Variants in PSEN1 observed in about 807,000 individuals in gnomAD.
The protein encoded by PSEN1 is presenilin 1, also known as presenilin-1.
In PSEN1, 15 loss-of-function variants were observed where a neutral mutation model predicts 53.5. That is an observed-to-expected ratio of 0.28 (90% CI 0.19 to 0.43). The LOEUF (loss-of-function observed/expected upper bound fraction) is 0.43, where lower values mean the gene tolerates loss of function less well. PSEN1 is among the 20% of genes least tolerant of loss of function. The pLI is 1.00. For synonymous variants in PSEN1, 208 were observed against 209.8 expected (o/e 0.99, Z 0.08); for missense variants, 387 against 571.2 (o/e 0.68, Z 3.29).
chr14:73,185,211 G>A (rs1438280998), intron 5 of PSEN1, among the ~76,000 whole-genome samples: 2 of 152,138 alleles, frequency 1.3e-5, no homozygotes, highest in Non-Finnish European at 2.9e-5. Context: ...GGTGGCGGCC[G>A]GGCAGAGGCT....
intron 1 of PSEN1, chr14:73,146,029 C>G (rs1355635442): frequency 2.0e-5 from 3 of 152,048 alleles, no homozygotes; most frequent in Non-Finnish European, 2.9e-5. Flanking sequence ...ATTACTTAAA[C>G]CCAGGAGTTA....
rs1900061862 is a variant in PSEN1, at chr14:73,219,461, G to A, written c.*172G>A. ...CACCTTGCACTATTGGACTTTGGAA[G>A]GAGGTGCCTATAGAAAACGATTTTG... On this transcript the variant is annotated 3_prime_UTR_variant, in exon 12 of 12. Coordinates refer to ENST00000324501, the MANE Select transcript of PSEN1 (RefSeq NM_000021.4). 2 of 740,002 alleles carry A rather than the reference G, an allele frequency of 2.7e-6. No homozygotes were observed. The highest frequency in any genetic ancestry group is 2.2e-5 in the Admixed American group (1 of 44,876). 45.8% of individuals were successfully genotyped at this position (740,002 alleles called of 1,614,324 possible).
intron 3 of PSEN1, among the ~76,000 whole-genome samples, chr14:73,162,421 T>C (rs1897574519): frequency 6.6e-6 from 1 of 150,768 alleles, no homozygotes; most frequent in South Asian, 2.1e-4. Flanking sequence ...TGGCATGCTC[T>C]CGTTCTCTCT....
chr14:73,174,521 A>G (rs1481198281), intron 5 of PSEN1, among the ~76,000 whole-genome samples: 2 of 152,238 alleles, frequency 1.3e-5, no homozygotes, highest in African/African-American at 4.8e-5. Context: ...GGCATGAGCC[A>G]CTGCGCCCGG....
At chr14:73,156,889 C>T (rs1897373007) in intron 3 of PSEN1, among the ~76,000 whole-genome samples, 1 of 152,044 alleles carries the variant, frequency 6.6e-6, no homozygotes, top group Non-Finnish European at 1.5e-5. Flanking sequence ...ATCTCGATCT[C>T]CTGACCTTGT....
chr14:73,140,613 A>T (rs1896898416), intron 1 of PSEN1, among the ~76,000 whole-genome samples: 1 of 152,028 alleles, frequency 6.6e-6, no homozygotes, highest in Admixed American at 6.6e-5. Flanking sequence ...ACTATAGCTT[A>T]ATAATTTGTT....
chr14:73,176,504 A>G (rs1248664831), intron 5 of PSEN1, among the ~76,000 whole-genome samples: 1 of 152,218 alleles, frequency 6.6e-6, no homozygotes, highest in Non-Finnish European at 1.5e-5. Flanking sequence ...ATACCTGTGT[A>G]GTTGGATAGG....
intron 8 of PSEN1, among the ~76,000 whole-genome samples, chr14:73,199,339 T>A (rs1296258358): frequency 6.6e-6 from 1 of 152,220 alleles, no homozygotes; most frequent in Non-Finnish European, 1.5e-5. Context: ...CTTTGTCAAC[T>A]ACTGTGTTTA....
chr14:73,143,949 T>C (rs1196256225), intron 1 of PSEN1, among the ~76,000 whole-genome samples: 1 of 127,200 alleles, frequency 7.9e-6, no homozygotes, highest in Admixed American at 9.3e-5. Context: ...TGATTGCCAC[T>C]GTACTCCAGC....
At chr14:73,209,558 C>A (rs536865221) in intron 9 of PSEN1, among the ~76,000 whole-genome samples, 2 of 152,284 alleles carry the variant, frequency 1.3e-5, no homozygotes, top group Non-Finnish European at 2.9e-5. Context: ...TAGCACTGAA[C>A]AAGATTTCCC....
intron 3 of PSEN1, among the ~76,000 whole-genome samples, chr14:73,158,863 T>C (rs916365664): frequency 2.6e-5 from 4 of 152,232 alleles, no homozygotes; most frequent in Non-Finnish European, 5.9e-5. Context: ...CCACATCCTG[T>C]CAGTACTTGA....
intron 5 of PSEN1, among the ~76,000 whole-genome samples, chr14:73,176,353 T>C (rs915314432): frequency 4.6e-5 from 7 of 152,278 alleles, no homozygotes; most frequent in Non-Finnish European, 7.3e-5. Flanking sequence ...TTTAGTAGGC[T>C]GACCTTGTGA....
chr14:73,156,806 G>A (rs534475356), intron 3 of PSEN1, among the ~76,000 whole-genome samples: 49 of 152,094 alleles, frequency 3.2e-4, no homozygotes, highest in Non-Finnish European at 5.0e-4. Flanking sequence ...GCGACTACAG[G>A]CGTCCGCCAC....
At chr14:73,184,122 C>A (rs1212277499) in intron 5 of PSEN1, among the ~76,000 whole-genome samples, 14 of 124,226 alleles carry the variant, frequency 1.1e-4, no homozygotes, top group Admixed American at 7.4e-5. Flanking sequence ...CCCCACCTCC[C>A]TCCCGGACAG....
rs200646139 is a variant in PSEN1 at position 73,171,032 on chromosome 14, G to A, written c.323G>A (p.Arg108Gln). 6.2e-6 allele frequency: 10 copies of A among 1,614,024 alleles called. No individual in the cohort carries two copies. The highest frequency in any genetic ancestry group is 1.1e-5 in the South Asian group (1 of 91,082). Residue 108 changes from arginine (R) to glutamine (Q), a missense_variant, in exon 4 of 12, where the codon CGG becomes CAG. Transcript: ENST00000324501. ...ATTAAGTCAGTCAGCTTTTATACCCGGAAGGATGGGCAGCTGTACGTATGA... is the reference window on the plus strand; with the variant it reads ...ATTAAGTCAGTCAGCTTTTATACCCAGAAGGATGGGCAGCTGTACGTATGA... ...ATIKSVSFYT[R>Q]KDGQLIYTPF...
At chr14:73,151,465 A>G (rs60308291) in intron 3 of PSEN1, among the ~76,000 whole-genome samples, 1,769 of 152,306 alleles carry the variant, frequency 0.012, 31 homozygotes, top group African/African-American at 0.038. Context: ...TATTACATCT[A>G]TCTCAGAAAA....
Position 73,211,913 on chromosome 14 carries a change from G to A in PSEN1, c.1100G>A (p.Ser367Asn). 1 of 1,613,912 alleles carries A rather than the reference G, an allele frequency of 6.2e-7. No individual in the cohort carries two copies. Among genetic ancestry groups the A allele is most frequent in the Non-Finnish European group, 8.5e-7 (1 of 1,179,968 alleles). Residue 367 changes from serine (S) to asparagine (N), a missense_variant, in exon 10 of 12, where the codon AGT becomes AAT. Physicochemically the swap from Ser to Asn is conservative, Grantham distance 46. Around this residue, in one of 4 missense-constraint regions of PSEN1, gnomAD observed 75 missense variants for 63.7 expected, o/e 1.18. Coordinates refer to ENST00000324501, the MANE Select transcript of PSEN1 (RefSeq NM_000021.4). Reference sequence around the variant, plus strand: ...GCTGCTGTCCAGGAACTTTCCAGCAGTATCCTCGCTGGTGAAGACCCAGAG... The same window carrying A: ...GCTGCTGTCCAGGAACTTTCCAGCAATATCCTCGCTGGTGAAGACCCAGAG... Reference protein sequence around the residue: ...SRAAVQELSSSILAGEDPEER... With the variant: ...SRAAVQELSSNILAGEDPEER...
At chr14:73,168,284 G>A (rs1166350669) in intron 3 of PSEN1, 2 of 152,116 alleles carry the variant, frequency 1.3e-5, no homozygotes, top group Admixed American at 6.5e-5. Flanking sequence ...GAACCTGGGC[G>A]GCGGAGGTTA....
chr14:73,171,088 G>A (rs1897879566), intron 4 of PSEN1, 41 bp downstream of exon 4: 2 of 1,611,644 alleles, frequency 1.2e-6, no homozygotes, highest in South Asian at 1.1e-5. Context: ...AAGCCAGTGT[G>A]GCTTTTCTTT....
Sources: allele counts gnomAD v4.1 joint callset (sites outside exome capture counted in the v4.1 genomes callset), GRCh38; gene constraint gnomAD v4.1.1; regional missense constraint gnomAD v4.1.1; transcripts MANE v1.5; gene names NCBI Gene and HGNC (gene_info 2026-07-23, HGNC 2026-07-21).